Variants in LIMCH1 observed in about 807,000 individuals in gnomAD.
LIMCH1 encodes the protein LIM and calponin homology domains-containing protein 1.
A neutral mutation model predicts 176.5 loss-of-function variants in LIMCH1; 113 were observed. The observed-to-expected ratio is 0.64, with a 90% CI of 0.55 to 0.75. LIMCH1 has a LOEUF of 0.75. LIMCH1 is among the 30% of genes least tolerant of loss of function. The pLI, the probability that LIMCH1 is intolerant of heterozygous loss-of-function variation, is 0.00. For synonymous variants in LIMCH1, 619 were observed against 645.9 expected, an observed-to-expected ratio of 0.96 and a Z score of 0.63; for missense variants, 1,674 against 1,814.9, an observed-to-expected ratio of 0.92 and a Z score of 1.41.
At chr4:41,640,083 A>G (rs1375750717) in intron 14 of LIMCH1, among the ~76,000 whole-genome samples, 2 of 152,228 alleles carry the variant, frequency 1.3e-5, no homozygotes, top group Non-Finnish European at 2.9e-5. Flanking sequence ...TAAGTGGTCA[A>G]ACTCCAGGGC....
At chr4:41,418,752 A>T (rs1051524718) in intron 1 of LIMCH1, 1 of 152,094 alleles carries the variant, frequency 6.6e-6, no homozygotes, top group African/African-American at 2.4e-5. Flanking sequence ...GCTGCTTGTG[A>T]CCATGAAACT....
chr4:41,398,319 C>T (rs1400872897), intron 1 of LIMCH1, among the ~76,000 whole-genome samples: 1 of 151,774 alleles, frequency 6.6e-6, no homozygotes, highest in Admixed American at 6.6e-5. Context: ...CACAGGTAAT[C>T]CTAGCAAATT....
chr4:41,630,366 A>T (rs1226707279), intron 9 of LIMCH1, among the ~76,000 whole-genome samples: 1 of 152,198 alleles, frequency 6.6e-6, no homozygotes, highest in Non-Finnish European at 1.5e-5. Flanking sequence ...TATTAATACT[A>T]AAAGTTACAA....
chr4:41,602,924 C>G (rs115079184), intron 2 of LIMCH1, among the ~76,000 whole-genome samples: 550 of 152,222 alleles, frequency 3.6e-3, no homozygotes, highest in Middle Eastern at 0.014. Flanking sequence ...CCAAACTGGA[C>G]TAATGCTTCT....
At chr4:41,513,607 C>A (rs982732240) in intron 2 of LIMCH1, among the ~76,000 whole-genome samples, 15 of 152,156 alleles carry the variant, frequency 9.9e-5, no homozygotes, top group African/African-American at 3.1e-4. Context: ...GAACTTCATG[C>A]AGTAATGACT....
chr4:41,638,334 T>C (rs35166673), intron 13 of LIMCH1, among the ~76,000 whole-genome samples: 13,071 of 152,244 alleles, frequency 0.086, 881 homozygotes, highest in Admixed American at 0.2. Flanking sequence ...TGGTTTTGAT[T>C]AAGGCTACCA....
intron 1 of LIMCH1, among the ~76,000 whole-genome samples, chr4:41,375,640 C>A (rs79555687): frequency 2.0e-5 from 3 of 152,146 alleles, no homozygotes; most frequent in Non-Finnish European, 4.4e-5. Flanking sequence ...TGCTGTTCAC[C>A]GGACACTCCG....
At chr4:41,595,650 C>T (rs1113838) in intron 1 of LIMCH1, among the ~76,000 whole-genome samples, 13,180 of 152,204 alleles carry the variant, frequency 0.087, 1,866 homozygotes, top group African/African-American at 0.3. Context: ...ATGTTTAGTT[C>T]ATATTATTAA....
intron 2 of LIMCH1, among the ~76,000 whole-genome samples, chr4:41,603,288 A>C (rs1402292418): frequency 8.2e-6 from 1 of 121,956 alleles, no homozygotes; most frequent in Admixed American, 7.6e-5. Context: ...TTATAGTTAG[A>C]GAGTAAACAT....
At chr4:41,514,588 A>C (rs191893518) in intron 2 of LIMCH1, among the ~76,000 whole-genome samples, 26 of 152,354 alleles carry the variant, frequency 1.7e-4, no homozygotes, top group Non-Finnish European at 3.1e-4. Flanking sequence ...AACAATCTTG[A>C]ATAGCATGGT....
chr4:41,591,250 G>T (rs1561852290), intron 1 of LIMCH1, among the ~76,000 whole-genome samples: 1 of 150,130 alleles, frequency 6.7e-6, no homozygotes, highest in Admixed American at 6.6e-5. Context: ...TTTCTTGCTT[G>T]CTTGCTTGCT....
chr4:41,653,144 G>A (rs2094357411), intron 18 of LIMCH1, among the ~76,000 whole-genome samples: 1 of 152,094 alleles, frequency 6.6e-6, no homozygotes. Context: ...ATAGGACTGT[G>A]GCTCATTACT....
intron 1 of LIMCH1, among the ~76,000 whole-genome samples, chr4:41,390,802 T>C (rs1443313413): frequency 6.6e-6 from 1 of 152,150 alleles, no homozygotes; most frequent in Non-Finnish European, 1.5e-5. Flanking sequence ...CTTCCTTCCT[T>C]CTCAGTGGAC....
chr4:41,635,787 A>G (rs576638489), intron 13 of LIMCH1, among the ~76,000 whole-genome samples: 21 of 152,360 alleles, frequency 1.4e-4, no homozygotes, highest in South Asian at 4.1e-4. Flanking sequence ...AGTTCATGAT[A>G]TAGAAATAGA....
intron 1 of LIMCH1, among the ~76,000 whole-genome samples, chr4:41,424,511 A>T (rs1328013250): frequency 6.6e-6 from 1 of 152,234 alleles, no homozygotes; most frequent in African/African-American, 2.4e-5. Flanking sequence ...AGATTTAAAA[A>T]AGTTTATACA....
At chr4:41,529,573 T>C (rs1445013859) in intron 3 of LIMCH1, among the ~76,000 whole-genome samples, 1 of 152,164 alleles carries the variant, frequency 6.6e-6, no homozygotes, top group Non-Finnish European at 1.5e-5. Flanking sequence ...TAAAGGGAAA[T>C]TATTTGCCCC....
At chr4:41,676,938 G>T (rs2095237359) in intron 23 of LIMCH1, among the ~76,000 whole-genome samples, 1 of 152,118 alleles carries the variant, frequency 6.6e-6, no homozygotes, top group Admixed American at 6.5e-5. Flanking sequence ...CGATGTGAGT[G>T]CATCATCTGA....
chr4:41,494,647 A>ATC, intron 2 of LIMCH1: 1 of 1,272,614 alleles, frequency 7.9e-7, no homozygotes, highest in South Asian at 1.3e-5. Context: ...TTCAAAAAAC[A>ATC]TCATTAATAC....
rs144513186 is a variant in LIMCH1 at position 41,612,283 on chromosome 4, C to T, written c.10-1183C>T. The T allele has an allele frequency of 5.5e-5, 22 of 398,650 alleles. No homozygotes were observed. The East Asian group carries it at 6.2e-4, about 11-fold the overall frequency. 24.7% of individuals were successfully genotyped at this position (398,650 alleles called of 1,614,324 possible). ...GCACTTCCTGCAAAGGCATTGGCTCCCGTGGGCATCCTAGACAGTTTAGAC... is the reference window on the plus strand; with the variant it reads ...GCACTTCCTGCAAAGGCATTGGCTCTCGTGGGCATCCTAGACAGTTTAGAC... On this transcript the variant is annotated intron_variant, in intron 4 of 31. Coordinates refer to ENST00000503057, the MANE Select transcript of LIMCH1 (RefSeq NM_001330672.2).
Sources: allele counts gnomAD v4.1 joint callset (sites outside exome capture counted in the v4.1 genomes callset), GRCh38; gene constraint gnomAD v4.1.1; transcripts MANE v1.5; gene names NCBI Gene and HGNC (gene_info 2026-07-23, HGNC 2026-07-21).